The following MRTO4 variants were observed in gnomAD, a reference collection of about 807,000 sequenced individuals.
MRTO4 encodes mRNA turnover protein 4 homolog.
A neutral mutation model predicts 28.6 loss-of-function variants in MRTO4; 7 were observed. The observed-to-expected ratio is 0.24, with a 90% confidence interval of 0.14 to 0.46. The LOEUF is 0.46. Among genes scored for constraint, MRTO4 ranks in the 20% least tolerant of loss-of-function variants. The probability of loss-of-function intolerance (pLI) is 0.99; values close to 1 mark genes in which losing one functional copy is unlikely to be tolerated. For synonymous variants in MRTO4, 113 were observed against 108.2 expected, an observed-to-expected ratio of 1.04 and a Z score of -0.27; for missense variants, 302 against 298.3, an observed-to-expected ratio of 1.01 and a Z score of -0.09.
chr1:19,259,483 T>G lies in MRTO4; in HGVS notation c.*653T>G, dbSNP rs549628862. ...GTCCCCACTGCTTGGGAGGCTGAGG[T>G]GGGAGAATTGCTTAAGCCTGAGAGT... On this transcript the variant is annotated 3_prime_UTR_variant, in exon 8 of 8. Coordinates refer to ENST00000330263, the MANE Select transcript of MRTO4 (RefSeq NM_016183.4). 2 of 151,910 alleles carry G rather than the reference T, an allele frequency of 1.3e-5. No homozygotes were observed. The highest frequency in any genetic ancestry group is 4.8e-5 in the African/African-American group (2 of 41,400). The allele number at this position is 151,910 out of a possible 1,614,324, so 9.4% of individuals were successfully genotyped here.
rs552214473 is a variant in MRTO4 at position 19,251,874 on chromosome 1, G to T, written c.28+11G>T. ...AGCGCGACAAGAAAGGTGGGCGAAG[G>T]GGGAGTCGGGACCCTGGGGGGAGCT... On this transcript the variant is annotated intron_variant, in intron 1 of 7. Coordinates refer to ENST00000330263, the MANE Select transcript of MRTO4 (RefSeq NM_016183.4). The T allele has an allele frequency of 6.3e-7, 1 of 1,591,670 alleles. No homozygotes were observed. The highest frequency in any genetic ancestry group is 1.3e-5 in the African/African-American group (1 of 74,612).
chr1:19,257,243 G>A, intron 4 of MRTO4, 98 bp downstream of exon 4: 1 of 1,347,472 alleles, frequency 7.4e-7, no homozygotes. Context: ...GCAGGCCGGA[G>A]GCTCAGGGAG....
At chr1:19,255,101 C>G (rs1420726160) in intron 2 of MRTO4, among the ~76,000 whole-genome samples, 1 of 152,152 alleles carries the variant, frequency 6.6e-6, no homozygotes, top group African/African-American at 2.4e-5. Flanking sequence ...TCCACTCCAT[C>G]CTCATAACAT....
Position 19,257,854 on chromosome 1 carries a change from A to C in MRTO4, c.363A>C (p.Glu121Asp). The C allele has an allele frequency of 6.2e-7, 1 of 1,613,466 alleles. No homozygotes were observed. ...TTAGGTGGTTCACGAAATACACAGAAATGGACTACGCCCGAGCTGGTAACA... is the reference window on the plus strand; with the variant it reads ...TTAGGTGGTTCACGAAATACACAGACATGGACTACGCCCGAGCTGGTAACA... ...EVNEWFTKYT[E>D]MDYARAGNKA... Residue 121 changes from glutamate (E) to aspartate (D), a missense_variant, in exon 6 of 8, where the codon GAA becomes GAC. By Grantham distance (45) the Glu-to-Asp change is conservative. Coordinates refer to ENST00000330263, the MANE Select transcript of MRTO4 (RefSeq NM_016183.4).
At chr1:19,257,749 C>A in intron 5 of MRTO4, 84 bp from the exon 6 acceptor site, 2 of 1,550,776 alleles carry the variant, frequency 1.3e-6, no homozygotes, top group Non-Finnish European at 1.8e-6. Flanking sequence ...AGGCCCAGGG[C>A]CACGGGACAC....
intron 1 of MRTO4, among the ~76,000 whole-genome samples, chr1:19,252,920 G>A (rs1266402121): frequency 6.6e-6 from 1 of 152,092 alleles, no homozygotes; most frequent in East Asian, 1.9e-4. Flanking sequence ...GATTACAGGC[G>A]TGAGCCACTA....
intron 5 of MRTO4, 23 bp downstream of exon 5, chr1:19,257,544 G>A (rs1465306722): frequency 1.2e-6 from 2 of 1,613,470 alleles, no homozygotes; most frequent in Admixed American, 1.7e-5. Flanking sequence ...GAGGAACGGA[G>A]GGAAAGAGGC....
At chr1:19,256,122 G>A in intron 3 of MRTO4, 71 bp downstream of exon 3, 4 of 1,389,970 alleles carry the variant, frequency 2.9e-6, no homozygotes, top group Non-Finnish European at 4.1e-6. Context: ...CAAAGCACAG[G>A]AGCAATTTCT....
rs1042380 is a variant in MRTO4 at position 19,257,510 on chromosome 1, G to A, written c.330G>A (p.Glu110=). The stretch of plus-strand genomic sequence containing the variant: ...TCCTGTTCACCAACCGCACAAAGGA[G>A]GAGGTGAATGAGTAAGTACTGCTGA... The part of the protein sequence containing the change: ...VGLLFTNRTK[E]EVNEWFTKYT... The change falls in exon 5 of 8, where the codon GAG becomes GAA. Residue 110 remains glutamate, a synonymous_variant. Coordinates refer to ENST00000330263, the MANE Select transcript of MRTO4 (RefSeq NM_016183.4). The A allele has an allele frequency of 0.24, 394,313 of 1,613,728 alleles. 51,599 individuals carry two copies. Among genetic ancestry groups the A allele is most frequent in the African/African-American group, 0.47 (35,144 of 74,996 alleles).
intron 2 of MRTO4, 48 bp downstream of exon 2, chr1:19,254,888 G>T: frequency 6.6e-7 from 1 of 1,522,382 alleles, no homozygotes; most frequent in Non-Finnish European, 9.0e-7. Context: ...GGTTTATAAA[G>T]GTAGGTATAG....
chr1:19,256,444 A>G (rs1359505157), intron 3 of MRTO4, among the ~76,000 whole-genome samples: 2 of 152,202 alleles, frequency 1.3e-5, no homozygotes, highest in Non-Finnish European at 2.9e-5. Context: ...TGAACCCATG[A>G]GGCAGAGGCT....
At chr1:19,256,485 C>T (rs972887490) in intron 3 of MRTO4, among the ~76,000 whole-genome samples, 3 of 147,316 alleles carry the variant, frequency 2.0e-5, no homozygotes, top group Non-Finnish European at 4.4e-5. Flanking sequence ...CATCGCACTC[C>T]AGCCTGGGTG....
At chr1:19,258,079 C>T (rs184915466) in intron 6 of MRTO4, 95 bp downstream of exon 6, 559 of 1,454,234 alleles carry the variant, frequency 3.8e-4, no homozygotes, top group African/African-American at 3.4e-3. Context: ...GTTATTTCTA[C>T]AAGCTTCCAT....
At chr1:19,254,931 G>A in intron 2 of MRTO4, 91 bp downstream of exon 2, 2 of 1,149,140 alleles carry the variant, frequency 1.7e-6, no homozygotes, top group Non-Finnish European at 2.4e-6. Flanking sequence ...TGTTGGCCAG[G>A]GGAACATACT....
rs964955820 is a variant in MRTO4 at position 19,259,017 on chromosome 1, C to T, written c.*187C>T. 2.7e-5 allele frequency: 18 copies of T among 671,278 alleles called. No homozygotes were observed. In the Admixed American group the frequency reaches 5.2e-4, roughly 20 times the overall value. The allele number at this position is 671,278 out of a possible 1,614,324, so 41.6% of individuals were successfully genotyped here. A position where few individuals can be genotyped will look rare whatever the true frequency, so the allele number is the denominator to read the frequency against. Reference sequence around the variant, plus strand: ...GTGGCTCACGCCTGGAATCCCAGCACTTTGGGAAGCCGAGGTGGGCAGATC... The same window carrying T: ...GTGGCTCACGCCTGGAATCCCAGCATTTTGGGAAGCCGAGGTGGGCAGATC... On this transcript the variant is annotated 3_prime_UTR_variant, in exon 8 of 8. Transcript: ENST00000330263.
intron 2 of MRTO4, 59 bp from the exon 3 acceptor site, chr1:19,255,889 A>G: frequency 7.1e-7 from 1 of 1,412,146 alleles, no homozygotes; most frequent in Non-Finnish European, 1.0e-6. Context: ...ATCTGAGGCC[A>G]GAGTAGTGCC....
At chr1:19,251,890 G>A (rs1329663694) in intron 1 of MRTO4, 27 bp downstream of exon 1, 7 of 1,586,324 alleles carry the variant, frequency 4.4e-6, no homozygotes, top group Non-Finnish European at 6.0e-6. Flanking sequence ...TCGGGACCCT[G>A]GGGGGAGCTC....
In MRTO4 at chr1:19,258,785, C is replaced by T. The variant is rs912140142; in HGVS notation, c.675C>T (p.Ser225=). ...FQQMGDDLPE[S]ASESTEESDS... ...AGATGGGAGACGACTTGCCAGAGAG[C>T]GCATCTGAGTCCACAGAAGAGTCAG... The change falls in exon 8 of 8, where the codon AGC becomes AGT. Residue 225 remains serine, a synonymous_variant. Transcript: ENST00000330263. 9 of 1,614,016 alleles carry T rather than the reference C, an allele frequency of 5.6e-6. No individual in the cohort carries two copies. The highest frequency in any genetic ancestry group is 2.2e-5 in the East Asian group (1 of 44,896).
chr1:19,256,076 C>A (rs760720899), intron 3 of MRTO4, 25 bp downstream of exon 3: 2 of 1,604,348 alleles, frequency 1.2e-6, no homozygotes, highest in Non-Finnish European at 8.5e-7. Context: ...GGAGGAAGGC[C>A]CTTCTGAGTG....
Sources: gnomAD v4.1 joint callset for allele counts (sites outside exome capture counted in the v4.1 genomes callset) on GRCh38, gnomAD v4.1.1 for gene constraint, MANE v1.5 for transcripts, NCBI Gene and HGNC (gene_info 2026-07-23, HGNC 2026-07-21) for gene names.